The following NTM variants were observed in gnomAD, a reference collection of about 807,000 sequenced individuals.
The protein encoded by NTM is IgLON family member 2.
In NTM, 13 loss-of-function variants were observed where a neutral mutation model predicts 42.1. The ratio of observed to expected loss-of-function variants is 0.31; its 90% CI spans 0.20 to 0.49. The LOEUF (loss-of-function observed/expected upper bound fraction) is 0.49. Ranked by LOEUF, NTM falls within the 20% of genes least tolerant of loss-of-function variation. The pLI is 0.99. For synonymous variants in NTM, 187 were observed against 179.2 expected, an observed-to-expected ratio of 1.04 and a Z score of -0.35; for missense variants, 373 against 452.8, an observed-to-expected ratio of 0.82 and a Z score of 1.60.
chr11:132,000,081 T>G (rs2068892128), intron 2 of NTM, among the ~76,000 whole-genome samples: 1 of 152,136 alleles, frequency 6.6e-6, no homozygotes, highest in Non-Finnish European at 1.5e-5. Flanking sequence ...GTTATATCGG[T>G]ACATTCAGGT....
intron 1 of NTM, among the ~76,000 whole-genome samples, chr11:131,545,767 G>C (rs1221746759): frequency 1.3e-5 from 2 of 152,226 alleles, no homozygotes; most frequent in African/African-American, 4.8e-5. Flanking sequence ...GGCTAAATAT[G>C]AAACTGAGTT....
Position 131,456,937 on chromosome 11 carries a change from A to G in NTM, c.82+86049A>G, listed in dbSNP as rs11823874. On this transcript the variant is annotated intron_variant, in intron 1 of 8. Coordinates refer to ENST00000683400, the MANE Select transcript of NTM (RefSeq NM_001352005.2). ...ATGTCTCCTCAGTTCACGCAACACCATGTGTGAGGTCCTATGCTGGATGAC... is the reference window on the plus strand; with the variant it reads ...ATGTCTCCTCAGTTCACGCAACACCGTGTGTGAGGTCCTATGCTGGATGAC... 2.0e-3 allele frequency among the ~76,000 whole-genome samples: 306 copies of G among 152,252 alleles called. 2 individuals are homozygous for G. Among genetic ancestry groups the G allele is most frequent in the African/African-American group, 6.9e-3 (285 of 41,540 alleles).
intron 1 of NTM, among the ~76,000 whole-genome samples, chr11:131,574,946 C>A (rs2057791751): frequency 6.6e-6 from 1 of 152,290 alleles, no homozygotes; most frequent in African/African-American, 2.4e-5. Context: ...CTCCAAAAAA[C>A]CCCCTACTTG....
At chr11:132,147,370 G>A (rs1184333337) in intron 3 of NTM, among the ~76,000 whole-genome samples, 1 of 152,200 alleles carries the variant, frequency 6.6e-6, no homozygotes, top group African/African-American at 2.4e-5. Context: ...GTGAGCAAGA[G>A]CTGGCATCAC....
chr11:131,877,289 A>G (rs693249), intron 1 of NTM, among the ~76,000 whole-genome samples: 41,286 of 152,120 alleles, frequency 0.27, 6,822 homozygotes, highest in African/African-American at 0.47. Flanking sequence ...GTTCAGTGCC[A>G]CCTGCCAGGA....
chr11:131,919,969 C>T (rs2138197057), intron 2 of NTM, among the ~76,000 whole-genome samples: 1 of 152,204 alleles, frequency 6.6e-6, no homozygotes, highest in Non-Finnish European at 1.5e-5. Context: ...AGTTTCAAAT[C>T]ATTTCTTGAG....
chr11:132,036,552 G>A (rs1195953026), intron 2 of NTM, among the ~76,000 whole-genome samples: 1 of 152,124 alleles, frequency 6.6e-6, no homozygotes, highest in East Asian at 1.9e-4. Context: ...GAAATGATGA[G>A]AAGGTTCAGT....
At chr11:132,165,199 A>G (rs1267594266) in intron 3 of NTM, among the ~76,000 whole-genome samples, 1 of 152,144 alleles carries the variant, frequency 6.6e-6, no homozygotes, top group Non-Finnish European at 1.5e-5. Flanking sequence ...AAATTAAACA[A>G]ATCATCTTGC....
intron 3 of NTM, among the ~76,000 whole-genome samples, chr11:132,195,730 G>T (rs549463719): frequency 6.6e-6 from 1 of 152,172 alleles, no homozygotes; most frequent in Non-Finnish European, 1.5e-5. Flanking sequence ...TCAATAGATG[G>T]TGCAAGATAA....
chr11:132,078,447 C>A (rs2058636519), intron 2 of NTM, among the ~76,000 whole-genome samples: 1 of 152,198 alleles, frequency 6.6e-6, no homozygotes, highest in Non-Finnish European at 1.5e-5. Context: ...TAGCAGTAGG[C>A]TCTGGCCATT....
chr11:132,197,047 C>A lies in NTM; in HGVS notation c.401-14975C>A, dbSNP rs373295196. ...GCATGAATTTGGAAACCATGGGTAT[C>A]TGATAGCAGTTAAGCCACAGATGGG... On this transcript the variant is annotated intron_variant, in intron 3 of 8. Coordinates refer to ENST00000683400, the MANE Select transcript of NTM (RefSeq NM_001352005.2). 1.2e-4 allele frequency among the ~76,000 whole-genome samples: 18 copies of A among 152,272 alleles called. 1 individual carries two copies. Among genetic ancestry groups the A allele is most frequent in the African/African-American group, 4.1e-4 (17 of 41,570 alleles).
At chr11:132,323,301 AAAG>A (rs1335181979) in intron 7 of NTM, among the ~76,000 whole-genome samples, 3 of 152,022 alleles carry the variant, frequency 2.0e-5, no homozygotes, top group East Asian at 1.9e-4. Context: ...ATAAAGAAAA[AAAG>A]AAGAATCAAA....
At chr11:132,017,181 TA>T (rs1393646050) in intron 2 of NTM, among the ~76,000 whole-genome samples, 4 of 151,976 alleles carry the variant, frequency 2.6e-5, no homozygotes, top group African/African-American at 7.2e-5. Flanking sequence ...CTTTTACAGA[TA>T]TTTTTTACTT....
chr11:131,874,040 T>TATATATATAATAATATAATATA (rs1565659570), intron 1 of NTM, among the ~76,000 whole-genome samples: 26 of 34,054 alleles, frequency 7.6e-4, no homozygotes, highest in South Asian at 4.5e-3. Flanking sequence ...AATATATATA[T>TATATATATAATAATATAATATA]ATATATATAT....
intron 1 of NTM, among the ~76,000 whole-genome samples, chr11:131,645,676 T>C (rs937617065): frequency 3.9e-5 from 6 of 152,202 alleles, no homozygotes; most frequent in Admixed American, 6.5e-5. Flanking sequence ...TATTAGTACA[T>C]TGTATCTTTT....
At chr11:131,528,056 G>A (rs754598102) in intron 1 of NTM, among the ~76,000 whole-genome samples, 2 of 152,164 alleles carry the variant, frequency 1.3e-5, no homozygotes, top group East Asian at 1.9e-4. Flanking sequence ...TAATGCAAAT[G>A]TTCCAAATTT....
chr11:132,245,636 C>G (rs754660519), intron 4 of NTM, among the ~76,000 whole-genome samples: 3 of 152,074 alleles, frequency 2.0e-5, no homozygotes, highest in Non-Finnish European at 4.4e-5. Flanking sequence ...AGTCCTGGTG[C>G]GGGGCAGAGC....
chr11:131,694,597 TG>T (rs1319227434), intron 1 of NTM, among the ~76,000 whole-genome samples: 1 of 152,126 alleles, frequency 6.6e-6, no homozygotes, highest in Non-Finnish European at 1.5e-5. Flanking sequence ...CGTGCAAGGC[TG>T]AAGCGGGAAG....
At chr11:132,045,870 C>A (rs528684954) in intron 2 of NTM, among the ~76,000 whole-genome samples, 2 of 152,296 alleles carry the variant, frequency 1.3e-5, no homozygotes, top group South Asian at 4.2e-4. Context: ...CTTCTTCCAT[C>A]TCTGGAAATC....
Sources: gnomAD v4.1 joint callset for allele counts (sites outside exome capture counted in the v4.1 genomes callset) on GRCh38, gnomAD v4.1.1 for gene constraint, MANE v1.5 for transcripts, NCBI Gene and HGNC (gene_info 2026-07-23, HGNC 2026-07-21) for gene names.